The following ASTN1 variants were observed in gnomAD, a reference collection of about 807,000 sequenced individuals.
The protein encoded by ASTN1 is astrotactin-1.
A neutral mutation model predicts 140.7 loss-of-function variants in ASTN1; 41 were observed. The ratio of observed to expected loss-of-function variants is 0.29; its 90% CI spans 0.23 to 0.38. ASTN1 has a LOEUF of 0.38. Among genes scored for constraint, ASTN1 ranks in the 10% least tolerant of loss-of-function variants. The probability of loss-of-function intolerance (pLI) is 1.00; values close to 1 mark genes in which losing one functional copy is unlikely to be tolerated. For synonymous variants in ASTN1, 640 were observed against 652.2 expected (o/e 0.98, Z 0.29); for missense variants, 1,479 against 1,678.8 (o/e 0.88, Z 2.08).
At chr1:176,964,615 A>G (rs865801213) in intron 9 of ASTN1, among the ~76,000 whole-genome samples, 2 of 152,224 alleles carry the variant, frequency 1.3e-5, no homozygotes, top group African/African-American at 2.4e-5. Context: ...GGGAGGGAGT[A>G]GAAGCATCCA....
intron 9 of ASTN1, among the ~76,000 whole-genome samples, chr1:176,961,935 T>C (rs1401839305): frequency 6.6e-6 from 1 of 152,166 alleles, no homozygotes; most frequent in East Asian, 1.9e-4. Context: ...AGCCCTGTGT[T>C]CAACTAGAGC....
At chr1:177,063,322 C>G (rs1571728594) in intron 1 of ASTN1, among the ~76,000 whole-genome samples, 1 of 152,130 alleles carries the variant, frequency 6.6e-6, no homozygotes. Flanking sequence ...CTTGGCCCCT[C>G]CCTAACCACC....
chr1:176,938,003 A>G (rs1234534542), intron 14 of ASTN1, among the ~76,000 whole-genome samples: 1 of 152,204 alleles, frequency 6.6e-6, no homozygotes, highest in African/African-American at 2.4e-5. Context: ...TTGGTAAGGC[A>G]AAAAGAAAAA....
At chr1:176,892,259 AT>A (rs1480226847) in intron 17 of ASTN1, among the ~76,000 whole-genome samples, 18 of 152,336 alleles carry the variant, frequency 1.2e-4, no homozygotes, top group African/African-American at 4.1e-4. Context: ...TGAAGTTCAT[AT>A]TAGATATATA....
intron 8 of ASTN1, among the ~76,000 whole-genome samples, chr1:176,969,945 G>A (rs1673063626): frequency 6.6e-6 from 1 of 152,232 alleles, no homozygotes; most frequent in Non-Finnish European, 1.5e-5. Flanking sequence ...GCCCATGCAG[G>A]AACATAGCCT....
At chr1:177,120,921 A>G (rs182758436) in intron 1 of ASTN1, among the ~76,000 whole-genome samples, 77 of 152,170 alleles carry the variant, frequency 5.1e-4, no homozygotes, top group Admixed American at 7.9e-4. Context: ...TGATCATCCT[A>G]TTGCTTGTAT....
intron 1 of ASTN1, among the ~76,000 whole-genome samples, chr1:177,129,599 T>G (rs1681842449): frequency 6.6e-6 from 1 of 152,178 alleles, no homozygotes; most frequent in South Asian, 2.1e-4. Context: ...AAAAATGCAC[T>G]TAACATTCTT....
chr1:176,965,862 C>T (rs542806915), intron 8 of ASTN1, among the ~76,000 whole-genome samples: 6 of 152,282 alleles, frequency 3.9e-5, no homozygotes, highest in Admixed American at 1.3e-4. Context: ...CATCTTCAAA[C>T]GTTTTAATGT....
intron 3 of ASTN1, 87 bp from the exon 4 acceptor site, chr1:177,031,039 T>TTTGCATAAACC: frequency 7.1e-7 from 1 of 1,406,768 alleles, no homozygotes; most frequent in Non-Finnish European, 9.6e-7. Context: ...ACCAAGAAGA[T>TTTGCATAAACC]AAGGTCTCAC....
intron 1 of ASTN1, among the ~76,000 whole-genome samples, chr1:177,129,837 C>A (rs887384939): frequency 1.3e-5 from 2 of 152,080 alleles, no homozygotes; most frequent in East Asian, 1.9e-4. Context: ...CATGGTGGCA[C>A]GCACCTGTAG....
intron 17 of ASTN1, among the ~76,000 whole-genome samples, chr1:176,889,332 T>C (rs561581480): frequency 6.6e-6 from 1 of 152,330 alleles, no homozygotes; most frequent in East Asian, 1.9e-4. Flanking sequence ...TCTCTCTGGG[T>C]GAGCTCAACA....
intron 8 of ASTN1, among the ~76,000 whole-genome samples, chr1:177,001,368 T>G (rs761860728): frequency 3.0e-4 from 45 of 152,242 alleles, no homozygotes; most frequent in Non-Finnish European, 6.2e-4. Flanking sequence ...CTGTGACCAA[T>G]GCAAAGCATC....
intron 1 of ASTN1, among the ~76,000 whole-genome samples, chr1:177,080,706 C>T (rs1056384419): frequency 1.3e-5 from 2 of 152,108 alleles, no homozygotes; most frequent in African/African-American, 2.4e-5. Flanking sequence ...TTTTATGTCC[C>T]TAATTCTGTT....
chr1:176,936,908 G>C (rs1350892144), intron 14 of ASTN1, among the ~76,000 whole-genome samples: 1 of 152,194 alleles, frequency 6.6e-6, no homozygotes, highest in East Asian at 1.9e-4. Flanking sequence ...TTTGATATCT[G>C]AAAAGTGGGG....
chr1:177,131,617 T>C (rs145768895), intron 1 of ASTN1, among the ~76,000 whole-genome samples: 1,662 of 152,066 alleles, frequency 0.011, 30 homozygotes, highest in African/African-American at 0.039. Context: ...ACACAGACAA[T>C]AGGTAAAAAT....
intron 1 of ASTN1, among the ~76,000 whole-genome samples, chr1:177,140,358 T>C (rs1682406588): frequency 1.3e-5 from 2 of 152,156 alleles, no homozygotes; most frequent in African/African-American, 4.8e-5. Context: ...CCTCCTAATT[T>C]AGCCCTGAGC....
intron 1 of ASTN1, among the ~76,000 whole-genome samples, chr1:177,157,695 G>C (rs1226065914): frequency 6.6e-6 from 1 of 151,844 alleles, no homozygotes; most frequent in Non-Finnish European, 1.5e-5. Flanking sequence ...GAAGCTTTGA[G>C]GCCCTCTTTT....
At chr1:177,088,234 T>C (rs1679572234) in intron 1 of ASTN1, among the ~76,000 whole-genome samples, 1 of 152,182 alleles carries the variant, frequency 6.6e-6, no homozygotes, top group Non-Finnish European at 1.5e-5. Flanking sequence ...ATTTCCCACC[T>C]TACACGTGGG....
intron 1 of ASTN1, among the ~76,000 whole-genome samples, chr1:177,142,047 G>A (rs1682495887): frequency 6.6e-6 from 1 of 152,156 alleles, no homozygotes; most frequent in African/African-American, 2.4e-5. Context: ...GGTGGTATCA[G>A]TCTCTAGCAG....
Sources: allele counts gnomAD v4.1 joint callset (sites outside exome capture counted in the v4.1 genomes callset), GRCh38; gene constraint gnomAD v4.1.1; transcripts MANE v1.5; gene names NCBI Gene and HGNC (gene_info 2026-07-23, HGNC 2026-07-21).